The following CNTNAP2 variants were observed in gnomAD, a reference collection of about 807,000 sequenced individuals.
The protein encoded by CNTNAP2 is contactin-associated protein-like 2.
A neutral mutation model predicts 155.2 loss-of-function variants in CNTNAP2; 98 were observed. The ratio of observed to expected loss-of-function variants is 0.63; its 90% CI spans 0.54 to 0.75. CNTNAP2 has a LOEUF of 0.75. CNTNAP2 is among the 30% of genes least tolerant of loss of function. The pLI is 0.00. For synonymous variants in CNTNAP2, 651 were observed against 631.2 expected (o/e 1.03, Z -0.47); for missense variants, 1,727 against 1,688.1 (o/e 1.02, Z -0.40).
At chr7:147,667,803 A>T (rs1795720843) in intron 13 of CNTNAP2, among the ~76,000 whole-genome samples, 2 of 149,232 alleles carry the variant, frequency 1.3e-5, no homozygotes, top group South Asian at 2.1e-4. Flanking sequence ...TGCAAAAAAA[A>T]AAAATAATAA....
intron 5 of CNTNAP2, among the ~76,000 whole-genome samples, chr7:147,110,983 C>G (rs1258817142): frequency 6.6e-6 from 1 of 152,138 alleles, no homozygotes; most frequent in Admixed American, 6.5e-5. Context: ...CTAATTTCCC[C>G]TCCCACCAAC....
In CNTNAP2 at chr7:147,717,151, G is replaced by A. The variant is rs1307615887; in HGVS notation, c.2098+77845G>A. Among the ~76,000 whole-genome samples the A allele has an allele frequency of 3.3e-5, 5 of 151,862 alleles. 1 individual carries two copies. Among genetic ancestry groups the A allele is most frequent in the African/African-American group, 9.7e-5 (4 of 41,308 alleles). On this transcript the variant is annotated intron_variant, in intron 13 of 23. Coordinates refer to ENST00000361727, the MANE Select transcript of CNTNAP2 (RefSeq NM_014141.6). ...GGAGAGTCAATCACCTTTCCTTTAG[G>A]TCCTATGGCTGGTATTTAAAAGGCT... is the stretch of plus-strand genomic sequence containing the variant.
intron 1 of CNTNAP2, among the ~76,000 whole-genome samples, chr7:146,531,805 A>G (rs1467713527): frequency 1.3e-5 from 2 of 152,142 alleles, no homozygotes; most frequent in Admixed American, 6.6e-5. Context: ...TCAGCCTCCC[A>G]AAGTGCTGGG....
intron 10 of CNTNAP2, among the ~76,000 whole-genome samples, chr7:147,428,670 C>T (rs968635574): frequency 1.3e-5 from 2 of 152,162 alleles, no homozygotes; most frequent in Admixed American, 6.5e-5. Flanking sequence ...CCATTATTCA[C>T]TTAAAACAGA....
At chr7:146,804,060 C>T (rs1021033525) in intron 2 of CNTNAP2, among the ~76,000 whole-genome samples, 6 of 151,972 alleles carry the variant, frequency 3.9e-5, no homozygotes, top group Non-Finnish European at 7.4e-5. Context: ...GAGATAAATC[C>T]GTAGAAGTAG....
intron 15 of CNTNAP2, among the ~76,000 whole-genome samples, chr7:148,006,316 C>CTT (rs68011639): frequency 3.4e-4 from 41 of 118,964 alleles, no homozygotes; most frequent in African/African-American, 5.7e-4. Flanking sequence ...ATAGGAAGTT[C>CTT]TTTTTTTTTT....
chr7:146,789,111 T>C (rs1156956882), intron 2 of CNTNAP2, among the ~76,000 whole-genome samples: 1 of 152,198 alleles, frequency 6.6e-6, no homozygotes, highest in African/African-American at 2.4e-5. Context: ...AAACTCAGTT[T>C]GATGAATAAG....
intron 11 of CNTNAP2, among the ~76,000 whole-genome samples, chr7:147,524,402 C>A (rs531166549): frequency 2.0e-5 from 3 of 152,128 alleles, no homozygotes; most frequent in Non-Finnish European, 4.4e-5. Context: ...ACAACAACAA[C>A]AAAAAAGCGT....
At chr7:148,319,386 T>C (rs532988683) in intron 21 of CNTNAP2, among the ~76,000 whole-genome samples, 15 of 152,292 alleles carry the variant, frequency 9.8e-5, no homozygotes, top group Non-Finnish European at 1.3e-4. Flanking sequence ...ATAAAAATTA[T>C]TAAGATATCA....
chr7:146,957,835 T>C (rs750718132), intron 3 of CNTNAP2, among the ~76,000 whole-genome samples: 3 of 152,184 alleles, frequency 2.0e-5, no homozygotes, highest in Non-Finnish European at 4.4e-5. Context: ...TGGATTTATA[T>C]GGGTGTACAT....
intron 3 of CNTNAP2, among the ~76,000 whole-genome samples, chr7:146,896,380 C>A (rs111479926): frequency 7.0e-4 from 107 of 152,170 alleles, no homozygotes; most frequent in African/African-American, 2.3e-3. Context: ...CTCCACTAGG[C>A]AGTCTCCCTA....
chr7:147,959,863 C>T (rs1482899936), intron 14 of CNTNAP2, among the ~76,000 whole-genome samples: 3 of 152,102 alleles, frequency 2.0e-5, no homozygotes, highest in Non-Finnish European at 4.4e-5. Context: ...CCAGTTGGTA[C>T]CTCAACTTCA....
intron 1 of CNTNAP2, among the ~76,000 whole-genome samples, chr7:146,214,525 A>G (rs116299329): frequency 0.015 from 2,316 of 152,258 alleles, 51 homozygotes; most frequent in African/African-American, 0.052. Flanking sequence ...TTATTTTATT[A>G]ATGAATATGA....
Position 148,217,706 on chromosome 7 carries a change from G to A in CNTNAP2, c.3247+182G>A, listed in dbSNP as rs76563354. ...TATCAGGAAAACAACTTGCCAGCTG[G>A]GTGTGTTAGAGCAAGGTGTTAGAGT... On this transcript the variant is annotated intron_variant, in intron 19 of 23. Coordinates refer to ENST00000361727, the MANE Select transcript of CNTNAP2 (RefSeq NM_014141.6). Among the ~76,000 whole-genome samples the A allele has an allele frequency of 2.6e-5, 4 of 152,192 alleles. No individual in the cohort carries two copies. The East Asian group carries it at 7.7e-4, about 29-fold the overall frequency.
intron 9 of CNTNAP2, among the ~76,000 whole-genome samples, chr7:147,372,446 C>T (rs1219024093): frequency 1.3e-5 from 2 of 152,196 alleles, no homozygotes; most frequent in South Asian, 4.1e-4. Context: ...CCTATCATTG[C>T]TTTCCTAAGT....
At chr7:147,532,795 T>A (rs1799466109) in intron 11 of CNTNAP2, among the ~76,000 whole-genome samples, 1 of 152,050 alleles carries the variant, frequency 6.6e-6, no homozygotes, top group Non-Finnish European at 1.5e-5. Flanking sequence ...GATAAACCCA[T>A]CAGATCTCAT....
intron 1 of CNTNAP2, among the ~76,000 whole-genome samples, chr7:146,494,344 T>A (rs1272170441): frequency 4.0e-5 from 6 of 150,184 alleles, no homozygotes; most frequent in Admixed American, 6.6e-5. Flanking sequence ...TCAAAAAAAA[T>A]AAATAAATAA....
chr7:146,303,496 G>A (rs1800651520), intron 1 of CNTNAP2, among the ~76,000 whole-genome samples: 1 of 151,988 alleles, frequency 6.6e-6, no homozygotes, highest in South Asian at 2.1e-4. Context: ...ATGTTGTACA[G>A]CAGTTCTGTT....
At chr7:146,930,619 C>T (rs1009992060) in intron 3 of CNTNAP2, among the ~76,000 whole-genome samples, 1 of 151,238 alleles carries the variant, frequency 6.6e-6, no homozygotes. Flanking sequence ...CTAAATTCTC[C>T]AATTAAAAGA....
Sources: gnomAD v4.1 joint callset for allele counts (sites outside exome capture counted in the v4.1 genomes callset) on GRCh38, gnomAD v4.1.1 for gene constraint, MANE v1.5 for transcripts, NCBI Gene and HGNC (gene_info 2026-07-23, HGNC 2026-07-21) for gene names.